LRPPRC: variants seen among roughly 807,000 people sequenced by gnomAD.
LRPPRC encodes the protein leucine-rich PPR motif-containing protein, mitochondrial.
Under a neutral mutation model 180.3 loss-of-function variants are expected in LRPPRC, and 120 were observed. The ratio of observed to expected loss-of-function variants is 0.67; its 90% CI spans 0.57 to 0.77. LRPPRC has a LOEUF of 0.77. LRPPRC is among the 30% of genes least tolerant of loss of function. The probability of loss-of-function intolerance (pLI) is 0.00; values close to 1 mark genes in which losing one functional copy is unlikely to be tolerated. For missense variants in LRPPRC, 2,012 were observed against 1,657.2 expected (o/e 1.21, Z -3.72); for synonymous variants, 723 against 600.0 (o/e 1.21, Z -3.00).
chr2:43,995,230 C>G (rs1674977334), intron 1 of LRPPRC, among the ~76,000 whole-genome samples: 2 of 152,166 alleles, frequency 1.3e-5, no homozygotes, highest in South Asian at 4.1e-4. Flanking sequence ...CGCGCAACAC[C>G]TTCTTAAATG....
chr2:43,961,946 G>C (rs555793918), intron 12 of LRPPRC, among the ~76,000 whole-genome samples: 100 of 152,292 alleles, frequency 6.6e-4, no homozygotes, highest in Admixed American at 9.8e-4. Context: ...CTGGGCGACA[G>C]AGCAAGACTC....
chr2:43,929,317 A>G (rs1671999119), intron 25 of LRPPRC, among the ~76,000 whole-genome samples: 1 of 152,202 alleles, frequency 6.6e-6, no homozygotes, highest in Admixed American at 6.5e-5. Context: ...AATTTTATGT[A>G]CTTCGTTACT....
chr2:43,888,316 C>T lies in LRPPRC; in HGVS notation c.*284G>A. The stretch of plus-strand genomic sequence containing the variant: ...TTTTAATGAAATAAATGAAACAGAG[C>T]AGGGAAACCAAAGAGCCAATTAGGG... On this transcript the variant is annotated 3_prime_UTR_variant, in exon 38 of 38. Transcript: ENST00000260665. The T allele has an allele frequency of 2.8e-6, 1 of 351,310 alleles. No homozygotes were observed. The allele number at this position is 351,310 out of a possible 1,614,324, so 21.8% of individuals were successfully genotyped here.
chr2:43,948,356 C>G, intron 17 of LRPPRC, 56 bp downstream of exon 17: 2 of 1,124,016 alleles, frequency 1.8e-6, no homozygotes, highest in South Asian at 2.5e-5. Context: ...AATTTCAAAT[C>G]TAATAGATAC....
At chr2:43,903,301 T>C (rs1470258879) in intron 31 of LRPPRC, 1 of 152,234 alleles carries the variant, frequency 6.6e-6, no homozygotes, top group Non-Finnish European at 1.5e-5. Context: ...TCACTAGTGA[T>C]ACTAATTACA....
Position 43,888,663 on chromosome 2 carries a change from A to T in LRPPRC, c.4129-7T>A, listed in dbSNP as rs376269088. ...CATAAAATTCAAAGCTTTCCTGTTA[A>T]GGAGAAAAAAAGAGGGAAGTTAGAG... On this transcript the variant is annotated splice_region_variant and splice_polypyrimidine_tract_variant and intron_variant, in intron 37 of 37. Transcript: ENST00000260665. 2 of 1,566,710 alleles carry T rather than the reference A, an allele frequency of 1.3e-6. No individual in the cohort carries two copies. Among genetic ancestry groups the T allele is most frequent in the Non-Finnish European group, 1.8e-6 (2 of 1,137,408 alleles).
chr2:43,927,882 G>A (rs1350076035), intron 25 of LRPPRC, among the ~76,000 whole-genome samples: 1 of 152,120 alleles, frequency 6.6e-6, no homozygotes, highest in African/African-American at 2.4e-5. Flanking sequence ...AAATCTCCTA[G>A]GCTGCTGTAA....
At position 43,905,692 on chromosome 2, in the gene LRPPRC, C is replaced by A; in HGVS notation, c.3364G>T (p.Glu1122Ter). The A allele has an allele frequency of 6.2e-7, 1 of 1,610,332 alleles. No homozygotes were observed. The highest frequency in any genetic ancestry group is 8.5e-7 in the Non-Finnish European group (1 of 1,176,544). The change falls in exon 31 of 38, where the codon GAG becomes TAG. Residue 1122 changes from glutamate (E) to a stop codon, truncating the protein, a stop_gained and splice_region_variant. Transcript: ENST00000260665. LOFTEE classifies it high-confidence loss of function. ...GTAAAGGTCAAGCATTGTGACATACCTTTCAAATAATCCCGCCTAACTTGC... is the reference window on the plus strand; with the variant it reads ...GTAAAGGTCAAGCATTGTGACATACATTTCAAATAATCCCGCCTAACTTGC... ...ITQVRRDYLKEAVTTLKTVLD... is the reference protein window; with the variant it reads ...ITQVRRDYLK
chr2:43,887,687 A>G lies in LRPPRC; in HGVS notation c.*913T>C, dbSNP rs1558879337. ...TAATGGCAAACTCTCCTGACTACCT[A>G]TCTTAGAATTTTTTTGAAGTCACTA... On this transcript the variant is annotated 3_prime_UTR_variant, in exon 38 of 38. Coordinates refer to ENST00000260665, the MANE Select transcript of LRPPRC (RefSeq NM_133259.4). The G allele has an allele frequency of 1.3e-5, 2 of 152,160 alleles. No individual in the cohort carries two copies. The highest frequency in any genetic ancestry group is 4.8e-5 in the African/African-American group (2 of 41,442). The allele number at this position is 152,160 out of a possible 1,614,324, so 9.4% of individuals were successfully genotyped here. A position where few individuals can be genotyped will look rare whatever the true frequency, so the allele number is the denominator to read the frequency against.
At chr2:43,982,826 A>G (rs886763129) in intron 1 of LRPPRC, among the ~76,000 whole-genome samples, 16 of 152,188 alleles carry the variant, frequency 1.1e-4, no homozygotes, top group African/African-American at 3.6e-4. Flanking sequence ...ATAAGACAAG[A>G]GATCTAAAAT....
chr2:43,914,769 T>C (rs975325462), intron 29 of LRPPRC, among the ~76,000 whole-genome samples: 2 of 152,028 alleles, frequency 1.3e-5, no homozygotes, highest in Non-Finnish European at 2.9e-5. Context: ...ATGAAACCAA[T>C]TAGATAAATG....
At chr2:43,923,326 A>T (rs529749453) in intron 27 of LRPPRC, among the ~76,000 whole-genome samples, 1 of 152,040 alleles carries the variant, frequency 6.6e-6, no homozygotes, top group African/African-American at 2.4e-5. Context: ...AAAAAGTTAA[A>T]AAGAAAAAAA....
chr2:43,907,144 G>C (rs991908164), intron 30 of LRPPRC, among the ~76,000 whole-genome samples: 3 of 152,100 alleles, frequency 2.0e-5, no homozygotes, highest in Non-Finnish European at 4.4e-5. Flanking sequence ...TTGACACTAA[G>C]TATGAACTAC....
chr2:43,994,236 T>A (rs1370615368), intron 1 of LRPPRC, among the ~76,000 whole-genome samples: 1 of 152,198 alleles, frequency 6.6e-6, no homozygotes, highest in Non-Finnish European at 1.5e-5. Flanking sequence ...TCAAGCCCAA[T>A]AAGAAAATAT....
At chr2:43,994,139 G>A (rs1225251270) in intron 1 of LRPPRC, among the ~76,000 whole-genome samples, 3 of 152,090 alleles carry the variant, frequency 2.0e-5, no homozygotes, top group Non-Finnish European at 4.4e-5. Flanking sequence ...TAAGAGTAAT[G>A]GGCACAACTT....
At chr2:43,991,971 A>G (rs559106943) in intron 1 of LRPPRC, among the ~76,000 whole-genome samples, 12 of 152,344 alleles carry the variant, frequency 7.9e-5, no homozygotes, top group African/African-American at 2.9e-4. Flanking sequence ...CTCAACAAAC[A>G]TTTGACACCT....
At chr2:43,986,859 G>A (rs528779662) in intron 1 of LRPPRC, among the ~76,000 whole-genome samples, 1 of 152,192 alleles carries the variant, frequency 6.6e-6, no homozygotes, top group Admixed American at 6.5e-5. Context: ...TCTAATGGCA[G>A]ATAAATAAGG....
At chr2:43,945,455 CAATT>C in intron 21 of LRPPRC, 38 bp from the exon 22 acceptor site, 2 of 1,138,786 alleles carry the variant, frequency 1.8e-6, no homozygotes, top group South Asian at 2.5e-5. Context: ...TTTTAAAAGT[CAATT>C]AACTGCTAAA....
intron 30 of LRPPRC, 68 bp downstream of exon 30, chr2:43,912,364 A>G: frequency 7.2e-7 from 1 of 1,394,298 alleles, no homozygotes; most frequent in Non-Finnish European, 1.0e-6. Context: ...TTACTATTAT[A>G]ATTATTGGCT....
Sources: gnomAD v4.1 joint callset for allele counts (sites outside exome capture counted in the v4.1 genomes callset) on GRCh38, gnomAD v4.1.1 for gene constraint, MANE v1.5 for transcripts, NCBI Gene and HGNC (gene_info 2026-07-23, HGNC 2026-07-21) for gene names.